The following CLCNKB variants were observed in gnomAD, a reference collection of about 807,000 sequenced individuals.
The protein encoded by CLCNKB is chloride channel protein ClC-Kb.
A neutral mutation model predicts 83.8 loss-of-function variants in CLCNKB; 74 were observed. The observed-to-expected ratio is 0.88, with a 90% CI of 0.73 to 1.07. The LOEUF is 1.07. Ranked by LOEUF, CLCNKB falls within the 50% of genes least tolerant of loss-of-function variation. The pLI, the probability that CLCNKB is intolerant of heterozygous loss-of-function variation, is 0.00. For synonymous variants in CLCNKB, 358 were observed against 356.6 expected (o/e 1.00, Z -0.04); for missense variants, 798 against 893.6 (o/e 0.89, Z 1.36).
At position 16,056,448 on chromosome 1, in the gene CLCNKB, C is replaced by A. The variant is rs753538850; in HGVS notation, c.1956C>A (p.Asn652Lys). The A allele has an allele frequency of 6.2e-7, 1 of 1,614,050 alleles. No homozygotes were observed. Among genetic ancestry groups the A allele is most frequent in the Non-Finnish European group, 8.5e-7 (1 of 1,179,992 alleles). ...HEAHNLFELLNLHSLFVTSRG... is the reference protein window; with the variant it reads ...HEAHNLFELLKLHSLFVTSRG... ...CACACAACCTCTTTGAGCTGTTGAA[C>A]CTTCATTCCCTCTTTGTGACGTCGC... The change falls in exon 19 of 20, where the codon AAC becomes AAA. Residue 652 changes from asparagine (N) to lysine (K), a missense_variant. Physicochemically the swap from Asn to Lys is moderately conservative, Grantham distance 94. Transcript: ENST00000375679.
At chr1:16,050,761 C>T (rs2023261381) in intron 11 of CLCNKB, 114 bp from the exon 12 acceptor site, 7 of 1,549,150 alleles carry the variant, frequency 4.5e-6, no homozygotes, top group South Asian at 3.4e-5. Flanking sequence ...CTGCCCAAGG[C>T]CCCCCGCTGG....
chr1:16,051,935 C>A (rs975231055), intron 14 of CLCNKB, 115 bp downstream of exon 14: 16 of 927,724 alleles, frequency 1.7e-5, no homozygotes, highest in Non-Finnish European at 2.4e-5. Context: ...CCAGTGAACC[C>A]CCTACCCCTC....
rs2297727 is a variant in CLCNKB, at chr1:16,055,591, C to T, written c.1845+68C>T. ...CAGCAGGAATGGGAGGAGAGGGGCC[C>T]GCTGATATCCTGAGGGAGAGGTGGT... On this transcript the variant is annotated intron_variant, in intron 17 of 19. Coordinates refer to ENST00000375679, the MANE Select transcript of CLCNKB (RefSeq NM_000085.5). 728,913 of 1,570,726 alleles carry T rather than the reference C, an allele frequency of 0.46. 173,331 individuals carry two copies. Among genetic ancestry groups the T allele is most frequent in the East Asian group, 0.82 (36,449 of 44,538 alleles).
At position 16,051,697 on chromosome 1, in the gene CLCNKB, A is replaced by C. The variant is rs1305796139; in HGVS notation, c.1298-13A>C. On this transcript the variant is annotated splice_polypyrimidine_tract_variant and intron_variant, in intron 13 of 19. Transcript: ENST00000375679. ...GTCAGCCTGGCTCCCCCTCACCCTA[A>C]GTCTGTGGCCAGGAGCTGCTATCGG... 2 of 1,612,354 alleles carry C rather than the reference A, an allele frequency of 1.2e-6. No homozygotes were observed. Among genetic ancestry groups the C allele is most frequent in the African/African-American group, 1.3e-5 (1 of 74,802 alleles).
rs13306242 is a variant in CLCNKB at position 16,049,299 on chromosome 1, G to A, written c.781+54G>A. On this transcript the variant is annotated intron_variant, in intron 8 of 19. Coordinates refer to ENST00000375679, the MANE Select transcript of CLCNKB (RefSeq NM_000085.5). ...CCCTGCCTGGGGGCCGGGGCGAGGGGGCCCTCCCTTCTCCCCTGTGTACAC... is the reference window on the plus strand; with the variant it reads ...CCCTGCCTGGGGGCCGGGGCGAGGGAGCCCTCCCTTCTCCCCTGTGTACAC... The A allele has an allele frequency of 6.3e-4, 1,014 of 1,607,074 alleles. 1 individual carries two copies. In the East Asian group the frequency reaches 9.2e-3, roughly 15 times the overall value.
At chr1:16,056,774 C>T in intron 19 of CLCNKB, 95 bp from the exon 20 acceptor site, 1 of 1,034,202 alleles carries the variant, frequency 9.7e-7, no homozygotes, top group East Asian at 2.5e-5. Flanking sequence ...TACTATTTAC[C>T]CAGAAACCAC....
chr1:16,044,650 C>A, intron 2 of CLCNKB, 58 bp downstream of exon 2: 2 of 1,401,210 alleles, frequency 1.4e-6, no homozygotes, highest in South Asian at 1.2e-5. Context: ...ATCATTCCTG[C>A]CCAGCTCCCA....
rs2023250377 is a variant in CLCNKB at position 16,050,432 on chromosome 1, TC to T, written c.969-82del. 6 of 1,450,614 alleles carry T rather than the reference TC, an allele frequency of 4.1e-6. No homozygotes were observed. The Admixed American group carries it at 6.7e-5, about 16-fold the overall frequency. The allele number at this position is 1,450,614 out of a possible 1,614,324, so 89.9% of individuals were successfully genotyped here. ...CCCCATTCCTGCTCTTCCTCCCCAG[TC>T]CTTGCCTTGCTAGGCCCTGCTTCCC... On this transcript the variant is annotated intron_variant, in intron 10 of 19. Coordinates refer to ENST00000375679, the MANE Select transcript of CLCNKB (RefSeq NM_000085.5).
intron 5 of CLCNKB, 112 bp from the exon 6 acceptor site, chr1:16,048,231 G>A (rs1473104995): frequency 3.4e-6 from 5 of 1,484,632 alleles, no homozygotes; most frequent in East Asian, 2.4e-5. Flanking sequence ...GAGGACGGCC[G>A]TGGGGGCTTG....
intron 1 of CLCNKB, among the ~76,000 whole-genome samples, 159 bp from the exon 2 acceptor site, chr1:16,044,327 A>C (rs2023024102): frequency 6.7e-6 from 1 of 149,132 alleles, no homozygotes; most frequent in South Asian, 2.1e-4. Flanking sequence ...GGATGAAGGC[A>C]CACACAGACC....
At chr1:16,051,307 T>C (rs1279112057) in intron 12 of CLCNKB, among the ~76,000 whole-genome samples, 171 bp from the exon 13 acceptor site, 1 of 152,132 alleles carries the variant, frequency 6.6e-6, no homozygotes, top group Non-Finnish European at 1.5e-5. Flanking sequence ...GGGCATACAG[T>C]GGGCATTTCT....
intron 12 of CLCNKB, 54 bp from the exon 13 acceptor site, chr1:16,051,424 C>A (rs1201863983): frequency 3.1e-6 from 5 of 1,595,862 alleles, no homozygotes; most frequent in African/African-American, 1.3e-5. Flanking sequence ...CCTCCCTTGT[C>A]CACGCCTTGC....
At chr1:16,044,685 CCCT>C (rs1410411926) in intron 2 of CLCNKB, 93 bp downstream of exon 2, 15 of 1,072,664 alleles carry the variant, frequency 1.4e-5, no homozygotes, top group Non-Finnish European at 1.9e-5. Context: ...CCAGGAACCA[CCCT>C]CCTCCTGGCA....
In CLCNKB at chr1:16,055,506, T is replaced by A; in HGVS notation, c.1828T>A (p.Trp610Arg). 1 of 1,406,874 alleles carries A rather than the reference T, an allele frequency of 7.1e-7. No individual in the cohort carries two copies. The highest frequency in any genetic ancestry group is 9.5e-7 in the Non-Finnish European group (1 of 1,048,862). The allele number at this position is 1,406,874 out of a possible 1,614,324, so 87.1% of individuals were successfully genotyped here. ...GGCCCTGAAGGCTGAGCCTCCTTCC[T>A]GGGCTCCTGGACACCAGGTGGGTAC... The part of the protein sequence containing the change: ...VQALKAEPPS[W>R]APGHQQCLQD... Residue 610 changes from tryptophan (W) to arginine (R), a missense_variant, in exon 17 of 20, where the codon TGG becomes AGG. Physicochemically the swap from Trp to Arg is moderately radical, Grantham distance 101. Coordinates refer to ENST00000375679, the MANE Select transcript of CLCNKB (RefSeq NM_000085.5).
chr1:16,053,646 C>T lies in CLCNKB; in HGVS notation c.1630C>T (p.Arg544Cys), dbSNP rs779196821. 2.4e-5 allele frequency: 38 copies of T among 1,613,854 alleles called. No individual in the cohort carries two copies. Among genetic ancestry groups the T allele is most frequent in the African/African-American group, 6.7e-5 (5 of 74,884 alleles). The change falls in exon 16 of 20, where the codon CGC becomes TGC. Residue 544 changes from arginine to cysteine, a missense_variant. Physicochemically the swap from Arg to Cys is radical, Grantham distance 180. Coordinates refer to ENST00000375679, the MANE Select transcript of CLCNKB (RefSeq NM_000085.5). ...RILGRNIGSH[R>C]VRVEHFMNHS... Reference sequence around the variant, plus strand: ...GAGCCCCTCTGCCTGCAGTTCCCACCGCGTGAGGGTGGAGCACTTCATGAA... The same window carrying T: ...GAGCCCCTCTGCCTGCAGTTCCCACTGCGTGAGGGTGGAGCACTTCATGAA...
chr1:16,044,678 G>A, intron 2 of CLCNKB, 86 bp downstream of exon 2: 1 of 1,128,568 alleles, frequency 8.9e-7, no homozygotes, highest in Non-Finnish European at 1.3e-6. Flanking sequence ...TCCCTGCCCA[G>A]GAACCACCCT....
Position 16,051,700 on chromosome 1 carries a change from CTG to C in CLCNKB, c.1298-7_1298-6del, listed in dbSNP as rs769825598. 6.6e-5 allele frequency: 107 copies of C among 1,612,594 alleles called. 1 individual carries two copies. The South Asian group carries it at 1.0e-3, about 15-fold the overall frequency. ...AGCCTGGCTCCCCCTCACCCTAAGT[CTG>C]TGGCCAGGAGCTGCTATCGGGCGCC... On this transcript the variant is annotated splice_region_variant and splice_polypyrimidine_tract_variant and intron_variant, in intron 13 of 19. Transcript: ENST00000375679.
chr1:16,044,460 G>GTCCC lies in CLCNKB; in HGVS notation c.-7-19_-7-16dup, dbSNP rs770156509. The GTCCC allele has an allele frequency of 5.2e-5, 82 of 1,568,780 alleles. No homozygotes were observed. The Middle Eastern group carries it at 2.7e-3, about 53-fold the overall frequency. On this transcript the variant is annotated intron_variant, in intron 1 of 19. Transcript: ENST00000375679. ...CGAGGACGTGCAGCAGCTCACCGCG[G>GTCCC]TCCCTCCCTCTATCCGCTTCTCCAG...
At position 16,051,844 on chromosome 1, in the gene CLCNKB, C is replaced by G. The variant is rs41269171; in HGVS notation, c.1408+24C>G. 0.11 allele frequency: 177,137 copies of G among 1,572,686 alleles called. 11,267 individuals carry two copies. The highest frequency in any genetic ancestry group is 0.22 in the African/African-American group (16,067 of 74,004). On this transcript the variant is annotated intron_variant, in intron 14 of 19. Transcript: ENST00000375679. The stretch of plus-strand genomic sequence containing the variant: ...AGGTGAGTGGGTCAGGGGCCTGCTG[C>G]GTGGGCAATGTCGTGCGGCTGGGCT...
Sources: gnomAD v4.1 joint callset for allele counts (sites outside exome capture counted in the v4.1 genomes callset) on GRCh38, gnomAD v4.1.1 for gene constraint, MANE v1.5 for transcripts, NCBI Gene and HGNC (gene_info 2026-07-23, HGNC 2026-07-21) for gene names.